Variants in TEAD3 observed in about 807,000 individuals in gnomAD.
TEAD3 encodes transcriptional enhancer factor TEF-5.
Under a neutral mutation model 55.6 loss-of-function variants are expected in TEAD3, and 15 were observed. The observed-to-expected ratio is 0.27, with a 90% confidence interval of 0.18 to 0.42. The LOEUF is 0.42. Among genes scored for constraint, TEAD3 ranks in the 10% least tolerant of loss-of-function variants. The probability of loss-of-function intolerance (pLI) is 1.00; values close to 1 mark genes in which losing one functional copy is unlikely to be tolerated. For missense variants in TEAD3, 407 were observed against 576.8 expected (o/e 0.71, Z 3.01); for synonymous variants, 210 against 232.2 (o/e 0.90, Z 0.87).
chr6:35,479,477 T>A (rs1187937141), intron 4 of TEAD3, among the ~76,000 whole-genome samples, 161 bp from the exon 5 acceptor site: 2 of 151,950 alleles, frequency 1.3e-5, no homozygotes, highest in Non-Finnish European at 2.9e-5. Context: ...ACAGAGGGAG[T>A]GCCTGCCAGC....
chr6:35,486,345 C>T lies in TEAD3; in HGVS notation c.202+116G>A. 9 of 1,231,248 alleles carry T rather than the reference C, an allele frequency of 7.3e-6. No homozygotes were observed. The South Asian group carries it at 8.9e-5, about 12-fold the overall frequency. The allele number at this position is 1,231,248 out of a possible 1,614,324, so 76.3% of individuals were successfully genotyped here. A position where few individuals can be genotyped will look rare whatever the true frequency, so the allele number is the denominator to read the frequency against. ...GAGGATCCAGACACACAGGCTTGCG[C>T]GCCCAGACTCGCCCGGCCAGCGGCT... On this transcript the variant is annotated intron_variant, in intron 2 of 12. Coordinates refer to ENST00000639578, the Ensembl canonical transcript of TEAD3. The surrounding 1 kb of genome is among the most constrained non-coding windows in gnomAD (Gnocchi z 7.3).
intron 1 of TEAD3, among the ~76,000 whole-genome samples, chr6:35,487,757 A>T (rs932817132): frequency 6.6e-6 from 1 of 151,658 alleles, no homozygotes; most frequent in Non-Finnish European, 1.5e-5. Context: ...AAAACAAACA[A>T]ACAACAACAA....
At chr6:35,482,720 T>G (rs1458381089) in intron 3 of TEAD3, among the ~76,000 whole-genome samples, 2 of 152,028 alleles carry the variant, frequency 1.3e-5, no homozygotes, top group Non-Finnish European at 2.9e-5. Context: ...AAGAACAACA[T>G]GGCCAACATC....
rs11756089 is a variant in TEAD3, at chr6:35,484,569, C to T, written c.258G>A (p.Thr86=). 0.072 allele frequency: 115,650 copies of T among 1,603,638 alleles called. 6,283 individuals carry two copies. Among genetic ancestry groups the T allele is most frequent in the African/African-American group, 0.28 (20,661 of 74,758 alleles). Reference sequence around the variant, plus strand: ...TAAACCGTCTCTCTACCTGTTTTCTCGTCCGAGTCTTCCCCGTCCTCAGTT... The same window carrying T: ...TAAACCGTCTCTCTACCTGTTTTCTTGTCCGAGTCTTCCCCGTCCTCAGTT... The change falls in exon 3 of 13, where the codon ACG becomes ACA. Residue 86 remains threonine (T), a synonymous_variant. Transcript: ENST00000639578. The surrounding 1 kb of genome is among the most constrained non-coding windows in gnomAD (Gnocchi z 5.8).
Position 35,475,250 on chromosome 6 carries a change from T to C in TEAD3, c.1194+86A>G. 6.2e-7 allele frequency: 1 copy of C among 1,601,816 alleles called. No homozygotes were observed. The highest frequency in any genetic ancestry group is 8.5e-7 in the Non-Finnish European group (1 of 1,173,078). ...CAGACCATTCTCCTTTCCGGATCTA[T>C]GCCTCTCAGCCAAGCGATGTGTCTG... On this transcript the variant is annotated intron_variant, in intron 12 of 12. Coordinates refer to ENST00000639578, the Ensembl canonical transcript of TEAD3. The surrounding 1 kb of genome is among the most constrained non-coding windows in gnomAD (Gnocchi z 5.4).
chr6:35,490,715 C>T (rs1318609767), intron 1 of TEAD3, among the ~76,000 whole-genome samples: 1 of 152,162 alleles, frequency 6.6e-6, no homozygotes, highest in African/African-American at 2.4e-5. Flanking sequence ...AGCATGTGCC[C>T]GCCTTCTTCT....
At chr6:35,487,588 C>A (rs1391866028) in intron 1 of TEAD3, among the ~76,000 whole-genome samples, 6 of 148,972 alleles carry the variant, frequency 4.0e-5, no homozygotes, top group Non-Finnish European at 7.4e-5. Context: ...CAGGGCATGG[C>A]AGCATACTCC....
intron 1 of TEAD3, among the ~76,000 whole-genome samples, chr6:35,493,460 G>A (rs1407410073): frequency 6.6e-6 from 1 of 152,080 alleles, no homozygotes; most frequent in Non-Finnish European, 1.5e-5. Flanking sequence ...CACCCACAGC[G>A]CCAGCATCAG....
At chr6:35,476,360 G>A (rs1173519116) in exon 9 of TEAD3, 1 of 1,612,672 alleles carries the variant, frequency 6.2e-7, no homozygotes, top group African/African-American at 1.3e-5. Flanking sequence ...CCGCAGCCGG[G>A]AGGAGGCAAT....
In TEAD3 at chr6:35,486,412, G is replaced by A; in HGVS notation, c.202+49C>T. On this transcript the variant is annotated intron_variant, in intron 2 of 12. Coordinates refer to ENST00000639578, the Ensembl canonical transcript of TEAD3. The surrounding 1 kb of genome is among the most constrained non-coding windows in gnomAD (Gnocchi z 7.3). ...ACCAAACCGGTTGGGTGAGAGGGCA[G>A]AGAGCAGGGGGAAGGGCCGCAGTCC... is the stretch of plus-strand genomic sequence containing the variant. 3.2e-6 allele frequency: 5 copies of A among 1,570,154 alleles called. No individual in the cohort carries two copies. Among genetic ancestry groups the A allele is most frequent in the Non-Finnish European group, 4.3e-6 (5 of 1,153,870 alleles).
Position 35,485,384 on chromosome 6 carries a change from A to C in TEAD3, c.203-760T>G, listed in dbSNP as rs1338713784. Among the ~76,000 whole-genome samples, 1 of 152,078 alleles carries C rather than the reference A, an allele frequency of 6.6e-6. No individual in the cohort carries two copies. Among genetic ancestry groups the C allele is most frequent in the East Asian group, 1.9e-4 (1 of 5,178 alleles). On this transcript the variant is annotated intron_variant, in intron 2 of 12. Transcript: ENST00000639578. This position sits in a 1 kb window ranked among gnomAD's most constrained non-coding sequence, Gnocchi z 4.3. ...GAGGGCCCAAAAGCTGCCAGTGTCC[A>C]GGGACTTGGGCCTGAAAGGGGGATG...
At chr6:35,480,238 T>G (rs375084742) in intron 3 of TEAD3, 74 bp downstream of exon 4, 16 of 1,573,122 alleles carry the variant, frequency 1.0e-5, no homozygotes, top group East Asian at 2.3e-5. Context: ...AGGAAAGGCC[T>G]GAGCTATGCA....
At position 35,490,904 on chromosome 6, in the gene TEAD3, C is replaced by T. The variant is rs117665799; in HGVS notation, c.-49-4193G>A. Among the ~76,000 whole-genome samples, 83 of 152,178 alleles carry T rather than the reference C, an allele frequency of 5.5e-4. No individual in the cohort carries two copies. In the East Asian group the frequency reaches 0.012, roughly 21 times the overall value. On this transcript the variant is annotated intron_variant, in intron 1 of 12. Transcript: ENST00000639578. ...AGCCCTGGGCTGCTGGCTGATGATG[C>T]CCAGGTATCTAGAAACTCTGCCTCG...
intron 1 of TEAD3, among the ~76,000 whole-genome samples, chr6:35,495,844 C>T (rs1318825762): frequency 6.6e-6 from 1 of 152,222 alleles, no homozygotes; most frequent in East Asian, 1.9e-4. Flanking sequence ...ATGCCCTGTT[C>T]TTCCGGACAA....
downstream of TEAD3, chr6:35,474,755 C>T (rs577812392): frequency 1.1e-5 from 4 of 376,202 alleles, no homozygotes; most frequent in African/African-American, 8.5e-5. Flanking sequence ...GTCCCCTATC[C>T]CCACCTCTCT....
rs1420142013 is a variant in TEAD3, at chr6:35,480,388, C to T, written c.268-266G>A. 4 of 1,613,290 alleles carry T rather than the reference C, an allele frequency of 2.5e-6. No individual in the cohort carries two copies. The highest frequency in any genetic ancestry group is 2.2e-5 in the East Asian group (1 of 44,868). On this transcript the variant is annotated intron_variant, in intron 3 of 12. Transcript: ENST00000639578. ...GTGGCTGGACACCTAGGGGCCGCCC[C>T]GCGCCCCGCCAGAGAGGAAAACATA...
At chr6:35,495,644 C>A (rs1202148874) in intron 1 of TEAD3, among the ~76,000 whole-genome samples, 1 of 152,112 alleles carries the variant, frequency 6.6e-6, no homozygotes, top group Non-Finnish European at 1.5e-5. Flanking sequence ...AGGGGGGCTA[C>A]AGGAGTCTAG....
intron 9 of TEAD3, 66 bp from the exon 10 acceptor site, chr6:35,476,158 G>A: frequency 6.5e-7 from 1 of 1,528,420 alleles, no homozygotes; most frequent in South Asian, 1.3e-5. Context: ...GCGGGGAAGG[G>A]AGCACTGCAC....
chr6:35,492,530 A>G (rs535021367), intron 1 of TEAD3, among the ~76,000 whole-genome samples: 1 of 152,248 alleles, frequency 6.6e-6, no homozygotes, highest in South Asian at 2.1e-4. Flanking sequence ...TTCCTGGAAC[A>G]GGGTCTCAAT....
Sources: allele counts gnomAD v4.1 joint callset (sites outside exome capture counted in the v4.1 genomes callset), GRCh38; gene constraint gnomAD v4.1.1; non-coding constraint Gnocchi (gnomAD v3.1); transcripts MANE v1.5; gene names NCBI Gene and HGNC (gene_info 2026-07-23, HGNC 2026-07-21).